THSD7B: variants seen among roughly 807,000 people sequenced by gnomAD.
THSD7B encodes thrombospondin type 1 domain containing 7B.
THSD7B carries 138 observed loss-of-function variants against 213.6 expected under a neutral mutation model. That is an observed-to-expected ratio of 0.65 (90% CI 0.56 to 0.74). The LOEUF is 0.74. Among genes scored for constraint, THSD7B ranks in the 30% least tolerant of loss-of-function variants. The pLI is 0.00. For synonymous variants in THSD7B, 742 were observed against 687.0 expected (o/e 1.08, Z -1.25); for missense variants, 1,931 against 1,991.5 (o/e 0.97, Z 0.58).
At chr2:136,998,916 ACACACACACACACACACAC>A (rs1685948840) in intron 2 of THSD7B, among the ~76,000 whole-genome samples, 3 of 85,702 alleles carry the variant, frequency 3.5e-5, no homozygotes, top group Non-Finnish European at 5.5e-5. Context: ...ACAGACACAC[ACACACACACACACACACAC>A]ACACACACAC....
At chr2:136,872,591 C>CTTTA (rs1270715108) in intron 1 of THSD7B, among the ~76,000 whole-genome samples, 3 of 144,492 alleles carry the variant, frequency 2.1e-5, no homozygotes, top group African/African-American at 7.7e-5. Flanking sequence ...CTTTTTCTTT[C>CTTTA]TTTCTTTCTT....
intron 22 of THSD7B, among the ~76,000 whole-genome samples, chr2:137,655,908 A>T (rs1197004595): frequency 6.6e-6 from 1 of 152,096 alleles, no homozygotes; most frequent in Non-Finnish European, 1.5e-5. Context: ...CTATCACTTC[A>T]TTGTTTTACT....
chr2:137,213,598 A>G (rs1180278082), intron 7 of THSD7B, among the ~76,000 whole-genome samples: 1 of 151,496 alleles, frequency 6.6e-6, no homozygotes, highest in Non-Finnish European at 1.5e-5. Context: ...ATATAAGATT[A>G]TTAATTCATA....
intron 15 of THSD7B, among the ~76,000 whole-genome samples, chr2:137,517,175 C>A (rs564737033): frequency 3.9e-5 from 6 of 152,348 alleles, no homozygotes; most frequent in Admixed American, 2.6e-4. Flanking sequence ...GCAAGGCCAG[C>A]AATATACCTT....
At chr2:137,155,633 C>G (rs1024100905) in intron 5 of THSD7B, among the ~76,000 whole-genome samples, 1 of 152,096 alleles carries the variant, frequency 6.6e-6, no homozygotes, top group African/African-American at 2.4e-5. Flanking sequence ...TATGAACAGC[C>G]ACAAATTTTT....
At chr2:136,990,765 CTTGT>C in intron 2 of THSD7B, 1 of 537,248 alleles carries the variant, frequency 1.9e-6, no homozygotes, top group South Asian at 1.8e-5. Context: ...TCTCTAATAC[CTTGT>C]TTGAGATGGA....
intron 1 of THSD7B, among the ~76,000 whole-genome samples, chr2:136,816,138 G>A (rs1323490584): frequency 6.6e-6 from 1 of 152,166 alleles, no homozygotes; most frequent in Non-Finnish European, 1.5e-5. Context: ...GCACACCTTG[G>A]CCTCCAAGTG....
intron 21 of THSD7B, among the ~76,000 whole-genome samples, chr2:137,649,271 G>A (rs1334121203): frequency 1.3e-5 from 2 of 152,054 alleles, no homozygotes; most frequent in Non-Finnish European, 2.9e-5. Flanking sequence ...TTTTTAGCCT[G>A]TTGTACTCCC....
At chr2:137,215,542 T>G (rs996020893) in intron 7 of THSD7B, among the ~76,000 whole-genome samples, 9 of 152,140 alleles carry the variant, frequency 5.9e-5, no homozygotes, top group African/African-American at 2.2e-4. Flanking sequence ...GGAGGAAACC[T>G]GTTGATCAGG....
chr2:137,359,024 G>A (rs1366089973), intron 12 of THSD7B, among the ~76,000 whole-genome samples: 1 of 152,170 alleles, frequency 6.6e-6, no homozygotes, highest in African/African-American at 2.4e-5. Context: ...AAATTCCACA[G>A]ATACGCTTTA....
intron 15 of THSD7B, among the ~76,000 whole-genome samples, chr2:137,558,322 C>T (rs1331707456): frequency 2.0e-5 from 3 of 152,150 alleles, no homozygotes; most frequent in Admixed American, 1.3e-4. Context: ...TAATAAAATA[C>T]TGGCAAACTG....
chr2:137,676,756 T>G lies in THSD7B; in HGVS notation c.*151T>G. 1.7e-6 allele frequency: 1 copy of G among 604,318 alleles called. No homozygotes were observed. Among genetic ancestry groups the G allele is most frequent in the Non-Finnish European group, 2.6e-6 (1 of 386,140 alleles). 37.4% of individuals were successfully genotyped at this position (604,318 alleles called of 1,614,324 possible). Reference sequence around the variant, plus strand: ...AAAAGTAATATTGCCTCAACTTCATTTGGACATGGAGTCAAGGATTATTAG... The same window carrying G: ...AAAAGTAATATTGCCTCAACTTCATGTGGACATGGAGTCAAGGATTATTAG... On this transcript the variant is annotated 3_prime_UTR_variant, in exon 28 of 28. Coordinates refer to ENST00000409968, the MANE Select transcript of THSD7B (RefSeq NM_001316349.2).
chr2:137,370,568 G>A (rs1275807939), intron 12 of THSD7B, among the ~76,000 whole-genome samples: 5 of 152,056 alleles, frequency 3.3e-5, no homozygotes, highest in East Asian at 3.9e-4. Context: ...TCCTGGGTTC[G>A]GGTGATCCTC....
intron 17 of THSD7B, among the ~76,000 whole-genome samples, chr2:137,594,800 G>A (rs1382880244): frequency 1.3e-5 from 2 of 151,826 alleles, no homozygotes; most frequent in Non-Finnish European, 2.9e-5. Flanking sequence ...GATCAGTTTG[G>A]AAAAGAAGCC....
At chr2:137,640,200 T>G (rs938954960) in intron 20 of THSD7B, among the ~76,000 whole-genome samples, 1 of 152,148 alleles carries the variant, frequency 6.6e-6, no homozygotes, top group African/African-American at 2.4e-5. Context: ...CGTGCTATTC[T>G]TGTGATAGTG....
intron 12 of THSD7B, among the ~76,000 whole-genome samples, chr2:137,352,489 G>A (rs1349751): frequency 0.95 from 144,135 of 152,042 alleles, 68,486 homozygotes; most frequent in Non-Finnish European, 0.99. Context: ...AAGCCACTTA[G>A]TCCTCCTGGC....
chr2:137,090,179 A>C (rs1050105197), intron 3 of THSD7B, among the ~76,000 whole-genome samples: 3 of 152,102 alleles, frequency 2.0e-5, no homozygotes, highest in Admixed American at 6.6e-5. Context: ...GAAAGTATAA[A>C]ACATTTATAC....
Position 137,213,030 on chromosome 2 carries a change from T to C in THSD7B, c.1724-18014T>C, listed in dbSNP as rs868601280. Among the ~76,000 whole-genome samples the C allele has an allele frequency of 8.7e-5, 11 of 126,762 alleles. 1 individual carries two copies. The Admixed American group carries it at 8.9e-4, about 10-fold the overall frequency. The allele number at this position is 126,762 out of a possible 152,430, so 83.2% of individuals were successfully genotyped here. On this transcript the variant is annotated intron_variant, in intron 7 of 27. Coordinates refer to ENST00000409968, the MANE Select transcript of THSD7B (RefSeq NM_001316349.2). ...ATTGCATAAGGTGATATCTGTATGC[T>C]AAAAAAAAAAAAAAAAAGGTTATAC...
intron 16 of THSD7B, among the ~76,000 whole-genome samples, chr2:137,572,054 G>A (rs1410871718): frequency 6.6e-6 from 1 of 152,046 alleles, no homozygotes; most frequent in Non-Finnish European, 1.5e-5. Flanking sequence ...GAGCCTTCAA[G>A]ATTCATTACA....
Sources: allele counts gnomAD v4.1 joint callset (sites outside exome capture counted in the v4.1 genomes callset), GRCh38; gene constraint gnomAD v4.1.1; transcripts MANE v1.5; gene names NCBI Gene and HGNC (gene_info 2026-07-23, HGNC 2026-07-21).